The following UTRN variants were observed in gnomAD, a reference collection of about 807,000 sequenced individuals.
UTRN encodes dystrophin-related protein 1.
In UTRN, 283 loss-of-function variants were observed where a neutral mutation model predicts 463.9. The observed-to-expected ratio is 0.61, with a 90% confidence interval of 0.55 to 0.67. UTRN has a LOEUF of 0.67. UTRN is among the 30% of genes least tolerant of loss of function. UTRN has a pLI of 0.00. For missense variants in UTRN, 3,922 were observed against 4,084.3 expected (o/e 0.96, Z 1.08); for synonymous variants, 1,442 against 1,431.5 (o/e 1.01, Z -0.17).
chr6:144,445,961 A>G (rs992369779), intron 14 of UTRN, among the ~76,000 whole-genome samples: 1 of 152,098 alleles, frequency 6.6e-6, no homozygotes, highest in Non-Finnish European at 1.5e-5. Context: ...CCCAGGAAGC[A>G]GAGGTTGCAG....
intron 51 of UTRN, among the ~76,000 whole-genome samples, chr6:144,665,358 A>T (rs17801051): frequency 6.6e-6 from 1 of 152,132 alleles, no homozygotes; most frequent in African/African-American, 2.4e-5. Context: ...TTTTATTTTC[A>T]TGATGTTTTA....
intron 64 of UTRN, among the ~76,000 whole-genome samples, chr6:144,798,572 T>A (rs529941573): frequency 1.3e-5 from 2 of 152,300 alleles, no homozygotes; most frequent in African/African-American, 4.8e-5. Flanking sequence ...GGTGGACATT[T>A]TTGGACATCC....
At chr6:144,619,808 T>A (rs1775154006) in intron 51 of UTRN, among the ~76,000 whole-genome samples, 1 of 152,124 alleles carries the variant, frequency 6.6e-6, no homozygotes, top group Non-Finnish European at 1.5e-5. Flanking sequence ...TCTGCCCCCA[T>A]TTTGAAAGTG....
intron 50 of UTRN, among the ~76,000 whole-genome samples, chr6:144,574,578 TTTG>T (rs201495930): frequency 0.016 from 2,421 of 152,186 alleles, 72 homozygotes; most frequent in African/African-American, 0.056. Flanking sequence ...GGTGGTTTTT[TTTG>T]TTGTTGTTTG....
intron 2 of UTRN, among the ~76,000 whole-genome samples, chr6:144,337,194 CCACACACA>C (rs772582196): frequency 3.2e-5 from 4 of 126,704 alleles, no homozygotes; most frequent in African/African-American, 1.0e-4. Flanking sequence ...CACACACACA[CCACACACA>C]CACACACACA....
chr6:144,838,283 T>C (rs1265400731), intron 71 of UTRN, among the ~76,000 whole-genome samples: 4 of 152,212 alleles, frequency 2.6e-5, no homozygotes, highest in Non-Finnish European at 5.9e-5. Context: ...CTTTTAGAGA[T>C]AGCTAATATC....
intron 62 of UTRN, among the ~76,000 whole-genome samples, chr6:144,792,876 T>G (rs1369036990): frequency 6.6e-6 from 1 of 152,110 alleles, no homozygotes; most frequent in African/African-American, 2.4e-5. Context: ...GAATAAAAGG[T>G]AAACCAAGAG....
At chr6:144,474,816 C>A in intron 25 of UTRN, 57 bp downstream of exon 25, 1 of 1,555,838 alleles carries the variant, frequency 6.4e-7, no homozygotes, top group South Asian at 1.2e-5. Context: ...TGTAGCTTCT[C>A]TCAGCTGACT....
Position 144,367,334 on chromosome 6 carries a change from TAAA to T in UTRN, c.80-35776_80-35774del, listed in dbSNP as rs10565161. On this transcript the variant is annotated intron_variant, in intron 2 of 74. Coordinates refer to ENST00000367545, the MANE Select transcript of UTRN (RefSeq NM_007124.3). ...GATTATACATGAGTCAAGGATTTGT[TAAA>T]AAAAAAAAAAAATCCTTCCAAGATA... is the stretch of plus-strand genomic sequence containing the variant. 9.4e-3 allele frequency among the ~76,000 whole-genome samples: 1,391 copies of T among 147,206 alleles called. 16 individuals are homozygous for T. Among genetic ancestry groups the T allele is most frequent in the African/African-American group, 0.027 (1,090 of 40,158 alleles).
chr6:144,775,723 C>A (rs1033306849), intron 60 of UTRN, among the ~76,000 whole-genome samples: 1 of 152,114 alleles, frequency 6.6e-6, no homozygotes, highest in African/African-American at 2.4e-5. Context: ...ACAAATGACT[C>A]AGCCACAAAA....
At chr6:144,564,006 T>G (rs182757368) in intron 50 of UTRN, among the ~76,000 whole-genome samples, 60 of 152,296 alleles carry the variant, frequency 3.9e-4, no homozygotes, top group Non-Finnish European at 5.6e-4. Flanking sequence ...TGTTTTCATT[T>G]GTTTCTTTTT....
At chr6:144,509,423 CAT>C (rs1794987517) in intron 34 of UTRN, among the ~76,000 whole-genome samples, 2 of 151,920 alleles carry the variant, frequency 1.3e-5, no homozygotes, top group African/African-American at 4.8e-5. Flanking sequence ...AGCTGATTCT[CAT>C]AGCTTTTTTA....
chr6:144,395,842 A>G (rs1300705411), intron 2 of UTRN, among the ~76,000 whole-genome samples: 1 of 152,198 alleles, frequency 6.6e-6, no homozygotes, highest in Non-Finnish European at 1.5e-5. Context: ...TCAGTCTTAC[A>G]CTAGGATGGC....
intron 53 of UTRN, among the ~76,000 whole-genome samples, chr6:144,706,002 C>T (rs916280165): frequency 6.6e-6 from 1 of 151,978 alleles, no homozygotes; most frequent in Non-Finnish European, 1.5e-5. Flanking sequence ...GGTACCTACC[C>T]GTAATTATTT....
intron 2 of UTRN, among the ~76,000 whole-genome samples, chr6:144,396,576 G>A (rs556969426): frequency 1.6e-4 from 25 of 152,288 alleles, no homozygotes; most frequent in African/African-American, 5.8e-4. Context: ...TGCCAAAAAC[G>A]ATTGAATTGT....
chr6:144,579,012 G>T (rs2128625517), intron 51 of UTRN, among the ~76,000 whole-genome samples: 1 of 152,288 alleles, frequency 6.6e-6, no homozygotes, highest in Non-Finnish European at 1.5e-5. Context: ...TTTTTGGAAT[G>T]AGCTTATTTA....
intron 51 of UTRN, among the ~76,000 whole-genome samples, chr6:144,672,059 CT>C (rs1781096945): frequency 6.6e-6 from 1 of 152,026 alleles, no homozygotes; most frequent in Non-Finnish European, 1.5e-5. Flanking sequence ...ATTCAGTTAG[CT>C]AGTATGTTTT....
intron 2 of UTRN, among the ~76,000 whole-genome samples, chr6:144,340,936 C>G (rs1411011950): frequency 1.3e-5 from 2 of 152,310 alleles, no homozygotes; most frequent in East Asian, 1.9e-4. Context: ...TTCAATGAAG[C>G]CTTTGCACTT....
chr6:144,293,713 T>C (rs1453187665), intron 2 of UTRN, among the ~76,000 whole-genome samples: 1 of 152,126 alleles, frequency 6.6e-6, no homozygotes, highest in African/African-American at 2.4e-5. Context: ...TAATGTGTAA[T>C]TCACAAAAGG....
Sources: allele counts gnomAD v4.1 joint callset (sites outside exome capture counted in the v4.1 genomes callset), GRCh38; gene constraint gnomAD v4.1.1; transcripts MANE v1.5; gene names NCBI Gene and HGNC (gene_info 2026-07-23, HGNC 2026-07-21).